BNC2: variants seen among roughly 807,000 people sequenced by gnomAD.
BNC2 encodes the protein basonuclin zinc finger protein 2.
Under a neutral mutation model 76.3 loss-of-function variants are expected in BNC2, and 20 were observed. That is an observed-to-expected ratio of 0.26 (90% CI 0.18 to 0.38). BNC2 has a LOEUF of 0.38. Ranked by LOEUF, BNC2 falls within the 10% of genes least tolerant of loss-of-function variation. The pLI, the probability that BNC2 is intolerant of heterozygous loss-of-function variation, is 1.00. For synonymous variants in BNC2, 582 were observed against 514.8 expected, an observed-to-expected ratio of 1.13 and a Z score of -1.77; for missense variants, 1,382 against 1,399.8, an observed-to-expected ratio of 0.99 and a Z score of 0.20.
chr9:16,797,035 G>C (rs1479352256), intron 1 of BNC2, among the ~76,000 whole-genome samples: 1 of 152,138 alleles, frequency 6.6e-6, no homozygotes, highest in Non-Finnish European at 1.5e-5. Context: ...GGTGTTGGTA[G>C]TAATAAAGTG....
intron 3 of BNC2, chr9:16,625,631 A>G (rs1587248200): frequency 6.6e-6 from 1 of 152,162 alleles, no homozygotes; most frequent in East Asian, 1.9e-4. Context: ...TCATACAGAA[A>G]AGAGGTTACA....
At chr9:16,778,600 C>T (rs183760436) in intron 1 of BNC2, among the ~76,000 whole-genome samples, 4 of 152,156 alleles carry the variant, frequency 2.6e-5, no homozygotes, top group African/African-American at 9.7e-5. Flanking sequence ...CTGTATTTTG[C>T]AGATAAAAGG....
At chr9:16,555,123 C>T (rs1818784103) in intron 4 of BNC2, among the ~76,000 whole-genome samples, 1 of 152,042 alleles carries the variant, frequency 6.6e-6, no homozygotes, top group Non-Finnish European at 1.5e-5. Context: ...AGTTTCACGC[C>T]ATTCTCCTGC....
chr9:16,453,083 A>G (rs1821376167), intron 5 of BNC2, among the ~76,000 whole-genome samples: 1 of 152,224 alleles, frequency 6.6e-6, no homozygotes, highest in Non-Finnish European at 1.5e-5. Context: ...ATTAAAAGTA[A>G]CTATCTGGTA....
intron 3 of BNC2, among the ~76,000 whole-genome samples, chr9:16,618,708 T>C (rs1256331157): frequency 6.6e-6 from 1 of 152,190 alleles, no homozygotes; most frequent in African/African-American, 2.4e-5. Context: ...TGAGCCTTGA[T>C]TGCACAATTA....
chr9:16,691,845 C>G (rs1283998892), intron 3 of BNC2, among the ~76,000 whole-genome samples: 1 of 135,942 alleles, frequency 7.4e-6, no homozygotes, highest in Non-Finnish European at 1.5e-5. Context: ...GAGTCTCACT[C>G]TGTCACCCAG....
At chr9:16,728,347 A>G in intron 2 of BNC2, 1 of 392,450 alleles carries the variant, frequency 2.5e-6, no homozygotes, top group Non-Finnish European at 4.9e-6. Context: ...GACACCCTGC[A>G]CTAACCCCTC....
chr9:16,839,428 C>G (rs1005627899), intron 1 of BNC2, among the ~76,000 whole-genome samples: 1 of 152,150 alleles, frequency 6.6e-6, no homozygotes, highest in Admixed American at 6.5e-5. Context: ...GTTTTGAAAG[C>G]TATCCTAGAA....
intron 1 of BNC2, among the ~76,000 whole-genome samples, chr9:16,860,934 T>C (rs1207918262): frequency 6.6e-6 from 1 of 151,664 alleles, no homozygotes; most frequent in African/African-American, 2.4e-5. Context: ...TAATGCCAGC[T>C]ACTCGGGACG....
At chr9:16,816,293 C>A (rs1011512240) in intron 1 of BNC2, among the ~76,000 whole-genome samples, 1 of 152,166 alleles carries the variant, frequency 6.6e-6, no homozygotes, top group Admixed American at 6.5e-5. Context: ...CTGATGAACC[C>A]TCTTTCCTGA....
chr9:16,525,593 T>C (rs1193436344), intron 5 of BNC2, among the ~76,000 whole-genome samples: 1 of 152,210 alleles, frequency 6.6e-6, no homozygotes, highest in African/African-American at 2.4e-5. Context: ...CAAAAATATG[T>C]TTCATCACCT....
intron 1 of BNC2, among the ~76,000 whole-genome samples, chr9:16,862,910 G>C (rs1442323182): frequency 2.0e-5 from 2 of 100,588 alleles, no homozygotes; most frequent in East Asian, 7.4e-4. Flanking sequence ...GCTATATATA[G>C]ATAGATTTTT....
At chr9:16,849,279 C>T (rs1480668437) in intron 1 of BNC2, among the ~76,000 whole-genome samples, 1 of 150,794 alleles carries the variant, frequency 6.6e-6, no homozygotes, top group African/African-American at 2.4e-5. Flanking sequence ...ACAAAGCAGA[C>T]TGAATTTTCA....
intron 1 of BNC2, among the ~76,000 whole-genome samples, chr9:16,856,214 A>G (rs1386080241): frequency 6.6e-6 from 1 of 151,956 alleles, no homozygotes; most frequent in Non-Finnish European, 1.5e-5. Context: ...ACCCTCCCCC[A>G]TAAGGAAGCA....
At chr9:16,766,533 T>C (rs1260100370) in intron 1 of BNC2, among the ~76,000 whole-genome samples, 3 of 152,170 alleles carry the variant, frequency 2.0e-5, no homozygotes, top group African/African-American at 7.2e-5. Flanking sequence ...CTAAAATCCC[T>C]CCAGCTGCAA....
chr9:16,636,176 C>T (rs192610891), intron 3 of BNC2, among the ~76,000 whole-genome samples: 74 of 152,078 alleles, frequency 4.9e-4, no homozygotes, highest in African/African-American at 1.7e-3. Context: ...AAATTACATT[C>T]GCATGTTGGT....
At chr9:16,654,101 G>A (rs747247410) in intron 3 of BNC2, among the ~76,000 whole-genome samples, 1 of 152,166 alleles carries the variant, frequency 6.6e-6, no homozygotes. Flanking sequence ...ACAAAGTGCA[G>A]GCAAGATGCT....
intron 4 of BNC2, among the ~76,000 whole-genome samples, chr9:16,575,016 G>A (rs1464804411): frequency 6.6e-6 from 1 of 152,192 alleles, no homozygotes; most frequent in South Asian, 2.1e-4. Context: ...TTTATAGGAA[G>A]TTAGTGATAA....
intron 3 of BNC2, among the ~76,000 whole-genome samples, chr9:16,725,436 G>A (rs1425647733): frequency 6.6e-6 from 1 of 151,938 alleles, no homozygotes; most frequent in Non-Finnish European, 1.5e-5. Flanking sequence ...TTCCAAAAAT[G>A]CACAAGAGGT....
Sources: allele counts gnomAD v4.1 joint callset (sites outside exome capture counted in the v4.1 genomes callset), GRCh38; gene constraint gnomAD v4.1.1; transcripts MANE v1.5; gene names NCBI Gene and HGNC (gene_info 2026-07-23, HGNC 2026-07-21).